Variants in GNA14 observed in about 807,000 individuals in gnomAD.
GNA14 encodes the protein G protein subunit alpha 14.
In GNA14, 50 loss-of-function variants were observed where a neutral mutation model predicts 42.0. The ratio of observed to expected loss-of-function variants is 1.19; its 90% CI spans 0.95 to 1.51. GNA14 has a LOEUF of 1.51. Ranked by LOEUF, GNA14 falls within the 40% of genes most tolerant of loss-of-function variation. GNA14 has a pLI of 0.00. For synonymous variants in GNA14, 173 were observed against 163.1 expected (o/e 1.06, Z -0.46); for missense variants, 473 against 446.2 (o/e 1.06, Z -0.54).
At chr9:77,541,786 C>G (rs1028736521) in intron 1 of GNA14, among the ~76,000 whole-genome samples, 7 of 151,964 alleles carry the variant, frequency 4.6e-5, no homozygotes, top group African/African-American at 1.7e-4. Context: ...GATCTGTATT[C>G]AAGTTGAGAT....
At chr9:77,564,752 G>A (rs1323507997) in intron 1 of GNA14, among the ~76,000 whole-genome samples, 4 of 151,764 alleles carry the variant, frequency 2.6e-5, no homozygotes, top group African/African-American at 9.7e-5. Flanking sequence ...AGAATCGCTT[G>A]AACCCAAGAG....
chr9:77,431,024 T>TGTGTGTG (rs1554686110), intron 4 of GNA14, among the ~76,000 whole-genome samples: 5,389 of 101,450 alleles, frequency 0.053, 156 homozygotes, highest in South Asian at 0.074. Flanking sequence ...AAGTATACAT[T>TGTGTGTG]TGTGTGTGTG....
chr9:77,541,335 T>C (rs191316831), intron 1 of GNA14, among the ~76,000 whole-genome samples: 1 of 152,300 alleles, frequency 6.6e-6, no homozygotes, highest in Admixed American at 6.5e-5. Context: ...CAACCTTTTT[T>C]CATTCAGTAC....
intron 2 of GNA14, among the ~76,000 whole-genome samples, chr9:77,453,978 G>T (rs757878237): frequency 5.9e-5 from 9 of 152,210 alleles, no homozygotes; most frequent in Non-Finnish European, 1.3e-4. Context: ...TGCAGTTTCT[G>T]CTAATGCTCA....
intron 2 of GNA14, among the ~76,000 whole-genome samples, chr9:77,458,989 C>T (rs916689460): frequency 3.9e-5 from 6 of 151,918 alleles, no homozygotes; most frequent in Admixed American, 3.3e-4. Context: ...AATAAGTCAT[C>T]GCCCTCCATC....
rs183693819 is a variant in GNA14, at chr9:77,515,203, C to T, written c.309+13866G>A. On this transcript the variant is annotated intron_variant, in intron 2 of 6. Transcript: ENST00000341700. The stretch of plus-strand genomic sequence containing the variant: ...GATAGGCTTTTGGCAAACTGGCCTG[C>T]ATCTATGTCAGGCACTGCAGCTACA... Among the ~76,000 whole-genome samples the T allele has an allele frequency of 5.3e-5, 8 of 152,332 alleles. No individual in the cohort carries two copies. The East Asian group carries it at 1.5e-3, about 29-fold the overall frequency.
intron 2 of GNA14, among the ~76,000 whole-genome samples, chr9:77,462,438 A>G (rs1401510017): frequency 6.6e-6 from 1 of 152,120 alleles, no homozygotes; most frequent in Non-Finnish European, 1.5e-5. Flanking sequence ...AACTTAGCTC[A>G]GGCTGGGCGC....
At chr9:77,428,080 T>C (rs1017105240) in intron 5 of GNA14, among the ~76,000 whole-genome samples, 8 of 146,528 alleles carry the variant, frequency 5.5e-5, no homozygotes, top group African/African-American at 2.1e-4. Context: ...TCTTTTTTTT[T>C]TTCTTTTTTT....
intron 2 of GNA14, among the ~76,000 whole-genome samples, chr9:77,475,700 A>T (rs1206466458): frequency 6.6e-6 from 1 of 152,162 alleles, no homozygotes; most frequent in Non-Finnish European, 1.5e-5. Context: ...GGTTGAGATA[A>T]GCAATCATCT....
At chr9:77,550,974 G>A (rs1383803096) in intron 1 of GNA14, among the ~76,000 whole-genome samples, 1 of 152,154 alleles carries the variant, frequency 6.6e-6, no homozygotes, top group Non-Finnish European at 1.5e-5. Flanking sequence ...GTATGGAATT[G>A]AAAATACAAC....
intron 1 of GNA14, among the ~76,000 whole-genome samples, chr9:77,646,444 C>A (rs980637940): frequency 2.0e-5 from 3 of 152,022 alleles, no homozygotes; most frequent in Non-Finnish European, 4.4e-5. Context: ...ACACCCCCCC[C>A]CAACCCCCAG....
At chr9:77,515,169 T>G (rs1837231574) in intron 2 of GNA14, among the ~76,000 whole-genome samples, 1 of 152,198 alleles carries the variant, frequency 6.6e-6, no homozygotes, top group African/African-American at 2.4e-5. Flanking sequence ...AGGAATGAGT[T>G]CTTCAGTGGA....
At chr9:77,490,281 C>T (rs1587795612) in intron 2 of GNA14, among the ~76,000 whole-genome samples, 1 of 152,264 alleles carries the variant, frequency 6.6e-6, no homozygotes, top group African/African-American at 2.4e-5. Flanking sequence ...TATAAAGACT[C>T]TCCACGTCCC....
chr9:77,542,799 G>A (rs994482467), intron 1 of GNA14, among the ~76,000 whole-genome samples: 1 of 152,232 alleles, frequency 6.6e-6, no homozygotes, highest in Non-Finnish European at 1.5e-5. Context: ...AAATGTCAAT[G>A]GTGTTGGACT....
chr9:77,643,923 A>T (rs1432712434), intron 1 of GNA14, among the ~76,000 whole-genome samples: 1 of 152,140 alleles, frequency 6.6e-6, no homozygotes, highest in Non-Finnish European at 1.5e-5. Context: ...AAGCCCAGAG[A>T]ATTTAGTCCA....
chr9:77,498,370 T>G (rs1836907088), intron 2 of GNA14, among the ~76,000 whole-genome samples: 2 of 41,234 alleles, frequency 4.9e-5, no homozygotes, highest in African/African-American at 1.7e-4. Context: ...CAAAAGTCTG[T>G]CTCAAAAAAA....
At chr9:77,491,044 C>G (rs554094075) in intron 2 of GNA14, among the ~76,000 whole-genome samples, 1 of 152,342 alleles carries the variant, frequency 6.6e-6, no homozygotes, top group Admixed American at 6.5e-5. Context: ...GGAAACCATA[C>G]AGTCCAGGAG....
intron 2 of GNA14, among the ~76,000 whole-genome samples, chr9:77,522,358 T>C (rs913804724): frequency 6.6e-6 from 1 of 152,170 alleles, no homozygotes; most frequent in African/African-American, 2.4e-5. Context: ...TGTGCTCTGT[T>C]CCTGAAAGAC....
At chr9:77,632,769 A>T (rs1824119286) in intron 1 of GNA14, among the ~76,000 whole-genome samples, 1 of 152,184 alleles carries the variant, frequency 6.6e-6, no homozygotes. Context: ...ACCCTGCTAC[A>T]GCAAAAGGCA....
Sources: gnomAD v4.1 joint callset for allele counts (sites outside exome capture counted in the v4.1 genomes callset) on GRCh38, gnomAD v4.1.1 for gene constraint, MANE v1.5 for transcripts, NCBI Gene and HGNC (gene_info 2026-07-23, HGNC 2026-07-21) for gene names.